PTPRD: variants seen among roughly 807,000 people sequenced by gnomAD.
PTPRD encodes the protein receptor-type tyrosine-protein phosphatase delta.
PTPRD carries 34 observed loss-of-function variants against 214.5 expected under a neutral mutation model. That is an observed-to-expected ratio of 0.16 (90% CI 0.12 to 0.21). The LOEUF is 0.21. Ranked by LOEUF, PTPRD falls within the 10% of genes least tolerant of loss-of-function variation. PTPRD has a pLI of 1.00. For missense variants in PTPRD, 2,545 were observed against 2,398.7 expected, an observed-to-expected ratio of 1.06 and a Z score of -1.27; for synonymous variants, 1,128 against 845.7, an observed-to-expected ratio of 1.33 and a Z score of -5.79.
chr9:8,393,631 T>C (rs2090284120), intron 36 of PTPRD, among the ~76,000 whole-genome samples: 1 of 152,170 alleles, frequency 6.6e-6, no homozygotes, highest in Non-Finnish European at 1.5e-5. Flanking sequence ...TAGGAGTCCA[T>C]GGCTCTACTG....
At chr9:10,245,441 G>A (rs184721051) in intron 3 of PTPRD, among the ~76,000 whole-genome samples, 13 of 152,136 alleles carry the variant, frequency 8.5e-5, no homozygotes, top group African/African-American at 1.7e-4. Flanking sequence ...AAATGACTCC[G>A]TACACAATGC....
rs142745888 is a variant in PTPRD at position 9,808,580 on chromosome 9, T to C, written c.-367-41729A>G. Among the ~76,000 whole-genome samples, 324 of 152,242 alleles carry C rather than the reference T, an allele frequency of 2.1e-3. 2 individuals are homozygous for C. The highest frequency in any genetic ancestry group is 7.5e-3 in the African/African-American group (311 of 41,544). On this transcript the variant is annotated intron_variant, in intron 5 of 45. Coordinates refer to ENST00000381196, the MANE Select transcript of PTPRD (RefSeq NM_002839.4). ...TATCTATATAATAAGACCATCGTTG[T>C]TTACAGTGCAGTTTTGCCCCTCATT...
intron 14 of PTPRD, among the ~76,000 whole-genome samples, chr9:8,614,487 G>A (rs182105080): frequency 2.7e-4 from 41 of 152,272 alleles, no homozygotes; most frequent in Non-Finnish European, 5.6e-4. Context: ...TGTAAGGAAG[G>A]CCAGGATAAA....
intron 14 of PTPRD, among the ~76,000 whole-genome samples, chr9:8,587,629 C>G (rs570829521): frequency 8.5e-5 from 13 of 152,232 alleles, no homozygotes; most frequent in Admixed American, 7.2e-4. Context: ...GTTCAACAGA[C>G]TAAAAGTTCT....
chr9:9,324,502 C>T (rs1214999599), intron 9 of PTPRD, among the ~76,000 whole-genome samples: 1 of 152,154 alleles, frequency 6.6e-6, no homozygotes, highest in East Asian at 1.9e-4. Context: ...TGAGAAGTGT[C>T]TGTTCATATC....
At chr9:9,499,993 G>T (rs991498284) in intron 8 of PTPRD, among the ~76,000 whole-genome samples, 1 of 151,958 alleles carries the variant, frequency 6.6e-6, no homozygotes. Context: ...AACAATTCTT[G>T]GGCTGCCCCT....
At chr9:10,092,364 T>A (rs1310368866) in intron 3 of PTPRD, among the ~76,000 whole-genome samples, 1 of 151,370 alleles carries the variant, frequency 6.6e-6, no homozygotes, top group African/African-American at 2.4e-5. Context: ...GACAGAACAT[T>A]GTAGACCAAT....
At chr9:8,400,822 C>A (rs550139766) in intron 36 of PTPRD, among the ~76,000 whole-genome samples, 2 of 152,240 alleles carry the variant, frequency 1.3e-5, no homozygotes, top group South Asian at 2.1e-4. Context: ...ACTCACACTG[C>A]CGCTTCACTA....
At chr9:10,472,686 G>T (rs1011861128) in intron 2 of PTPRD, among the ~76,000 whole-genome samples, 1 of 151,950 alleles carries the variant, frequency 6.6e-6, no homozygotes, top group Non-Finnish European at 1.5e-5. Flanking sequence ...TTCAGAAACA[G>T]ATTTTTTTTT....
At chr9:9,628,498 G>A (rs930071894) in intron 7 of PTPRD, among the ~76,000 whole-genome samples, 1 of 151,988 alleles carries the variant, frequency 6.6e-6, no homozygotes, top group African/African-American at 2.4e-5. Context: ...TTGGTATCCA[G>A]GATCTGCACA....
chr9:9,783,826 T>G (rs916980471), intron 5 of PTPRD, among the ~76,000 whole-genome samples: 8 of 151,812 alleles, frequency 5.3e-5, no homozygotes, highest in Non-Finnish European at 7.4e-5. Context: ...TTCGTTTTTT[T>G]TTTTTTTTTT....
intron 2 of PTPRD, among the ~76,000 whole-genome samples, chr9:10,472,692 T>C (rs2131773027): frequency 6.6e-6 from 1 of 152,264 alleles, no homozygotes; most frequent in African/African-American, 2.4e-5. Context: ...AACAGATTTT[T>C]TTTTCTATTT....
chr9:10,170,117 C>T (rs969305292), intron 3 of PTPRD, among the ~76,000 whole-genome samples: 1 of 152,150 alleles, frequency 6.6e-6, no homozygotes, highest in African/African-American at 2.4e-5. Context: ...AACTTTGGTA[C>T]ATCAAATATG....
At chr9:10,382,291 C>T (rs2097841370) in intron 2 of PTPRD, among the ~76,000 whole-genome samples, 1 of 151,902 alleles carries the variant, frequency 6.6e-6, no homozygotes, top group South Asian at 2.1e-4. Flanking sequence ...TATTCTTCTT[C>T]TTATGAGTTG....
At chr9:9,725,430 C>A (rs2098069047) in intron 7 of PTPRD, among the ~76,000 whole-genome samples, 2 of 151,904 alleles carry the variant, frequency 1.3e-5, no homozygotes, top group South Asian at 4.2e-4. Flanking sequence ...CATTAAACGT[C>A]TTTTTCTTCC....
chr9:10,320,411 T>C (rs2096532542), intron 3 of PTPRD, among the ~76,000 whole-genome samples: 1 of 152,036 alleles, frequency 6.6e-6, no homozygotes, highest in Non-Finnish European at 1.5e-5. Flanking sequence ...CTTGGCCAGG[T>C]TTCCTCCTAA....
rs150701874 is a variant in PTPRD, at chr9:9,108,455, T to G, written c.-143+74849A>C. The stretch of plus-strand genomic sequence containing the variant: ...CATGGTAACAAATTTACTAAACAAA[T>G]TTATACAACAAATTCTTTCTCACTC... On this transcript the variant is annotated intron_variant, in intron 10 of 45. Transcript: ENST00000381196. 8.5e-5 allele frequency among the ~76,000 whole-genome samples: 13 copies of G among 152,232 alleles called. No individual in the cohort carries two copies. In the East Asian group the frequency reaches 2.5e-3, roughly 29 times the overall value.
At chr9:9,117,919 A>G (rs139074809) in intron 10 of PTPRD, among the ~76,000 whole-genome samples, 9 of 152,290 alleles carry the variant, frequency 5.9e-5, no homozygotes, top group African/African-American at 1.9e-4. Flanking sequence ...GTTTTGTGGC[A>G]TCTGAAGTTT....
At chr9:9,385,240 C>T (rs971381586) in intron 9 of PTPRD, among the ~76,000 whole-genome samples, 4 of 152,162 alleles carry the variant, frequency 2.6e-5, no homozygotes, top group Admixed American at 2.6e-4. Flanking sequence ...TTTGGACTTT[C>T]AAGCACTATG....
Sources: allele counts gnomAD v4.1 joint callset (sites outside exome capture counted in the v4.1 genomes callset), GRCh38; gene constraint gnomAD v4.1.1; transcripts MANE v1.5; gene names NCBI Gene and HGNC (gene_info 2026-07-23, HGNC 2026-07-21).